ACSL1: variants seen among roughly 807,000 people sequenced by gnomAD.
The protein encoded by ACSL1 is long-chain-fatty-acid--CoA ligase 1.
In ACSL1, 41 loss-of-function variants were observed where a neutral mutation model predicts 98.4. The ratio of observed to expected loss-of-function variants is 0.42; its 90% CI spans 0.32 to 0.54. The LOEUF (loss-of-function observed/expected upper bound fraction) is 0.54. Ranked by LOEUF, ACSL1 falls within the 20% of genes least tolerant of loss-of-function variation. The probability of loss-of-function intolerance (pLI) is 0.13; values close to 1 mark genes in which losing one functional copy is unlikely to be tolerated. For synonymous variants in ACSL1, 316 were observed against 322.7 expected (o/e 0.98, Z 0.22); for missense variants, 734 against 883.1 (o/e 0.83, Z 2.14).
chr4:184,798,103 G>A (rs74690314), intron 2 of ACSL1, among the ~76,000 whole-genome samples: 2,715 of 152,274 alleles, frequency 0.018, 89 homozygotes, highest in African/African-American at 0.063. Flanking sequence ...ACTAGGAAAC[G>A]AGATCAGTTA....
At chr4:184,793,095 G>A (rs1315868358) in intron 2 of ACSL1, among the ~76,000 whole-genome samples, 3 of 151,786 alleles carry the variant, frequency 2.0e-5, no homozygotes, top group Non-Finnish European at 2.9e-5. Flanking sequence ...AGCTGAATGT[G>A]TAGGAAATCA....
chr4:184,800,978 G>A (rs1212568596), intron 2 of ACSL1, among the ~76,000 whole-genome samples: 2 of 152,054 alleles, frequency 1.3e-5, no homozygotes, highest in African/African-American at 4.8e-5. Flanking sequence ...TCAGTCTCCC[G>A]AGTAGCTGGG....
intron 16 of ACSL1, 95 bp downstream of exon 16, chr4:184,763,072 C>T: frequency 1.6e-6 from 2 of 1,276,918 alleles, no homozygotes; most frequent in Non-Finnish European, 2.2e-6. Context: ...AGTTCAATGG[C>T]TTTATTGAGC....
chr4:184,815,174 G>C, intron 1 of ACSL1: 1 of 451,712 alleles, frequency 2.2e-6, no homozygotes, highest in Non-Finnish European at 4.5e-6. Context: ...AGGGAGGGCT[G>C]TCCAGAGAGC....
chr4:184,825,603 C>A lies in ACSL1; in HGVS notation c.-33+313G>T, dbSNP rs1408440304. On this transcript the variant is annotated intron_variant, in intron 1 of 20. Coordinates refer to ENST00000281455, the MANE Select transcript of ACSL1 (RefSeq NM_001995.5). This position sits in a 1 kb window ranked among gnomAD's most constrained non-coding sequence, Gnocchi z 4.7. ...GCTTCGCCGGGCCGGTCCCCGCCGC[C>A]GCACACACAAGGGTCGGTCCCGCGC... 6.6e-6 allele frequency among the ~76,000 whole-genome samples: 1 copy of A among 151,120 alleles called. No individual in the cohort carries two copies. The highest frequency in any genetic ancestry group is 1.9e-4 in the East Asian group (1 of 5,174).
intron 3 of ACSL1, among the ~76,000 whole-genome samples, chr4:184,785,612 G>T (rs1324295391): frequency 1.3e-5 from 1 of 78,870 alleles, no homozygotes; most frequent in East Asian, 3.0e-4. Flanking sequence ...GGGGCGGGGG[G>T]GGGGGGGGGA....
At chr4:184,785,623 A>AGGGGG (rs1767144801) in intron 3 of ACSL1, among the ~76,000 whole-genome samples, 1 of 34,032 alleles carries the variant, frequency 2.9e-5, no homozygotes, top group Admixed American at 6.3e-4. Context: ...GGGGGGGGGA[A>AGGGGG]GGAAGCAAAT....
At chr4:184,788,402 C>A in intron 3 of ACSL1, 1 of 658,014 alleles carries the variant, frequency 1.5e-6, no homozygotes, top group East Asian at 3.0e-5. Context: ...ATGTGACACT[C>A]ACATATTTGA....
chr4:184,802,363 CG>C (rs569751504), intron 2 of ACSL1, among the ~76,000 whole-genome samples: 7 of 151,968 alleles, frequency 4.6e-5, no homozygotes, highest in East Asian at 1.9e-4. Context: ...GCAGTCAGCC[CG>C]GGGGGGTGGG....
chr4:184,799,570 A>T (rs1329110097), intron 2 of ACSL1, among the ~76,000 whole-genome samples: 1 of 151,898 alleles, frequency 6.6e-6, no homozygotes, highest in Non-Finnish European at 1.5e-5. Context: ...GCTCTAGGCC[A>T]GGTGCTGTGG....
intron 1 of ACSL1, chr4:184,812,260 G>C (rs150958735): frequency 3.0e-6 from 3 of 983,898 alleles, no homozygotes; most frequent in African/African-American, 1.7e-5. Flanking sequence ...ACACAGTCCC[G>C]AGCCAAGGAC....
At chr4:184,782,397 C>T (rs986930342) in intron 4 of ACSL1, among the ~76,000 whole-genome samples, 2 of 152,004 alleles carry the variant, frequency 1.3e-5, no homozygotes, top group Admixed American at 1.3e-4. Flanking sequence ...TCACCTGCTT[C>T]CAAATGAAGT....
intron 18 of ACSL1, among the ~76,000 whole-genome samples, chr4:184,760,095 C>T (rs1309957271): frequency 6.6e-6 from 1 of 152,124 alleles, no homozygotes. Context: ...TGCCCCTGTC[C>T]CCCAGTATGT....
intron 1 of ACSL1, among the ~76,000 whole-genome samples, chr4:184,810,621 C>T (rs1771959127): frequency 6.6e-6 from 1 of 152,186 alleles, no homozygotes; most frequent in South Asian, 2.1e-4. Flanking sequence ...ATGAGCTATC[C>T]TTCATGCCCC....
At position 184,803,298 on chromosome 4, in the gene ACSL1, G is replaced by A. The variant is rs1339094761; in HGVS notation, c.195+22C>T. 1 of 1,520,868 alleles carries A rather than the reference G, an allele frequency of 6.6e-7. No individual in the cohort carries two copies. Among genetic ancestry groups the A allele is most frequent in the South Asian group, 1.3e-5 (1 of 78,564 alleles). The allele number at this position is 1,520,868 out of a possible 1,614,324, so 94.2% of individuals were successfully genotyped here. A position where few individuals can be genotyped will look rare whatever the true frequency, so the allele number is the denominator to read the frequency against. The stretch of plus-strand genomic sequence containing the variant: ...GGGAAATGCGGAGAAAACGCACGAG[G>A]CAGGCTGGGCCCTCCACTCACCGCC... On this transcript the variant is annotated intron_variant, in intron 2 of 20. Coordinates refer to ENST00000281455, the MANE Select transcript of ACSL1 (RefSeq NM_001995.5). This position sits in a 1 kb window ranked among gnomAD's most constrained non-coding sequence, Gnocchi z 4.8.
At chr4:184,759,760 G>A (rs1762609654) in intron 18 of ACSL1, among the ~76,000 whole-genome samples, 1 of 152,196 alleles carries the variant, frequency 6.6e-6, no homozygotes, top group Non-Finnish European at 1.5e-5. Flanking sequence ...TTCAACCATT[G>A]TGGAAGTCAG....
chr4:184,801,582 G>A (rs1371783112), intron 2 of ACSL1, among the ~76,000 whole-genome samples: 1 of 152,162 alleles, frequency 6.6e-6, no homozygotes, highest in African/African-American at 2.4e-5. Context: ...TAATTATTAA[G>A]CACCAGAATT....
chr4:184,816,039 G>A (rs1247656890), intron 1 of ACSL1, among the ~76,000 whole-genome samples: 4 of 152,034 alleles, frequency 2.6e-5, no homozygotes, highest in Middle Eastern at 3.4e-3. Flanking sequence ...AGAGTCGATT[G>A]AACCTGTGGG....
chr4:184,799,907 T>C (rs1770175817), intron 2 of ACSL1, among the ~76,000 whole-genome samples: 1 of 152,102 alleles, frequency 6.6e-6, no homozygotes, highest in Non-Finnish European at 1.5e-5. Context: ...AGCCACTGAC[T>C]CTTCATATTG....
Sources: gnomAD v4.1 joint callset for allele counts (sites outside exome capture counted in the v4.1 genomes callset) on GRCh38, gnomAD v4.1.1 for gene constraint, Gnocchi (gnomAD v3.1) non-coding constraint, MANE v1.5 for transcripts, NCBI Gene and HGNC (gene_info 2026-07-23, HGNC 2026-07-21) for gene names.